CELF5: variants seen among roughly 807,000 people sequenced by gnomAD.
CELF5 encodes the protein CUGBP Elav-like family member 5.
Under a neutral mutation model 54.9 loss-of-function variants are expected in CELF5, and 6 were observed. That is an observed-to-expected ratio of 0.11 (90% CI 0.06 to 0.22). CELF5 has a LOEUF of 0.22. CELF5 is among the 10% of genes least tolerant of loss of function. CELF5 has a pLI of 1.00. For missense variants in CELF5, 401 were observed against 678.6 expected (o/e 0.59, Z 4.54); for synonymous variants, 271 against 290.9 (o/e 0.93, Z 0.70).
At chr19:3,290,950 C>T (rs1029852749) in intron 11 of CELF5, among the ~76,000 whole-genome samples, 3 of 151,492 alleles carry the variant, frequency 2.0e-5, no homozygotes, top group African/African-American at 4.8e-5. Flanking sequence ...AATGAGACCC[C>T]GTGTTTACAA....
intron 11 of CELF5, among the ~76,000 whole-genome samples, chr19:3,291,381 A>G (rs569302895): frequency 2.0e-5 from 3 of 151,950 alleles, no homozygotes; most frequent in East Asian, 3.9e-4. Flanking sequence ...TGGCTAACAC[A>G]GTGAAACCCC....
chr19:3,296,660 A>T (rs1025795198), intron 12 of CELF5, 98 bp from the exon 13 acceptor site: 1 of 152,142 alleles, frequency 6.6e-6, no homozygotes, highest in African/African-American at 2.4e-5. Flanking sequence ...GAGGCCCCCG[A>T]GGGCCTGCTT....
intron 1 of CELF5, chr19:3,225,467 G>GGC: frequency 1.6e-5 from 1 of 61,896 alleles, no homozygotes; most frequent in Non-Finnish European, 2.7e-5. Context: ...ACCCCTCCCT[G>GGC]CCCCCCCACC....
rs979872638 is a variant in CELF5 at position 3,282,750 on chromosome 19, C to T, written c.1039+252C>T. 1.3e-5 allele frequency among the ~76,000 whole-genome samples: 2 copies of T among 152,168 alleles called. No individual in the cohort carries two copies. The highest frequency in any genetic ancestry group is 2.1e-4 in the South Asian group (1 of 4,828). On this transcript the variant is annotated intron_variant, in intron 8 of 12. Transcript: ENST00000292672. This position sits in a 1 kb window ranked among gnomAD's most constrained non-coding sequence, Gnocchi z 5.2. ...TCAGTGACCCTGGATGGGCTCTTTA[C>T]GTCCCTGAGCCTCAGTTTGCTCATC...
Position 3,228,588 on chromosome 19 carries a change from G to A in CELF5, c.259+3590G>A, listed in dbSNP as rs1168488471. On this transcript the variant is annotated intron_variant, in intron 1 of 12. Coordinates refer to ENST00000292672, the MANE Select transcript of CELF5 (RefSeq NM_021938.4). This position sits in a 1 kb window ranked among gnomAD's most constrained non-coding sequence, Gnocchi z 6.0. ...TTAATGACAATATTTGTCTTAAAGC[G>A]GAGGTTGCGCTGGGGGACGGTGCAG... 2.6e-5 allele frequency among the ~76,000 whole-genome samples: 4 copies of A among 152,178 alleles called. No individual in the cohort carries two copies. The highest frequency in any genetic ancestry group is 2.1e-4 in the South Asian group (1 of 4,822).
intron 1 of CELF5, among the ~76,000 whole-genome samples, chr19:3,239,823 G>T (rs2079466463): frequency 6.6e-6 from 1 of 151,748 alleles, no homozygotes; most frequent in African/African-American, 2.4e-5. Context: ...CTTCTGTCCT[G>T]CACTCCAGTC....
intron 10 of CELF5, among the ~76,000 whole-genome samples, chr19:3,289,681 C>CAAAAAAAAAAAAAAAAAAAAAAAAA (rs35144942): frequency 6.4e-5 from 3 of 47,138 alleles, no homozygotes; most frequent in African/African-American, 2.0e-4. Context: ...GACTCCATCT[C>CAAAAAAAAAAAAAAAAAAAAAAAAA]AAAAAAAAAA....
At chr19:3,232,634 T>C (rs1917322611) in intron 1 of CELF5, among the ~76,000 whole-genome samples, 1 of 151,648 alleles carries the variant, frequency 6.6e-6, no homozygotes, top group Non-Finnish European at 1.5e-5. Flanking sequence ...TCTCCATAAA[T>C]GGTCAGGCAG....
At chr19:3,251,958 A>G (rs2079657139) in intron 2 of CELF5, among the ~76,000 whole-genome samples, 1 of 151,844 alleles carries the variant, frequency 6.6e-6, no homozygotes, top group East Asian at 1.9e-4. Flanking sequence ...TATAGGTGCG[A>G]GCCACCAGGC....
At chr19:3,272,249 G>A (rs772671302) in intron 2 of CELF5, among the ~76,000 whole-genome samples, 3 of 152,020 alleles carry the variant, frequency 2.0e-5, no homozygotes, top group Non-Finnish European at 2.9e-5. Flanking sequence ...CGTGCCTGTA[G>A]TCCCAGCTGC....
At chr19:3,247,251 C>T (rs1464964133) in intron 1 of CELF5, among the ~76,000 whole-genome samples, 1 of 152,056 alleles carries the variant, frequency 6.6e-6, no homozygotes, top group East Asian at 1.9e-4. Context: ...CTTGGCCTCC[C>T]GAGTAGCTGG....
intron 2 of CELF5, chr19:3,270,531 G>T (rs529479693): frequency 4.0e-5 from 6 of 148,530 alleles, no homozygotes; most frequent in Non-Finnish European, 7.5e-5. Context: ...GGCAGGGCCC[G>T]CCTGGGCGTC....
intron 5 of CELF5, among the ~76,000 whole-genome samples, chr19:3,279,946 G>A (rs1415265320): frequency 4.6e-5 from 7 of 152,180 alleles, no homozygotes; most frequent in Non-Finnish European, 1.0e-4. Context: ...CAGGTGATCT[G>A]CCCACCTTGG....
At chr19:3,285,712 A>C (rs60439948) in intron 9 of CELF5, among the ~76,000 whole-genome samples, 42,959 of 71,764 alleles carry the variant, frequency 0.6, 11,616 homozygotes, top group Middle Eastern at 0.72. Context: ...CCTGCCCTCC[A>C]CCATGGCCCC....
chr19:3,234,907 C>G (rs1327441673), intron 1 of CELF5, among the ~76,000 whole-genome samples: 2 of 152,002 alleles, frequency 1.3e-5, no homozygotes, highest in African/African-American at 4.8e-5. Flanking sequence ...CACAGTCTGT[C>G]CTCCCCGCAG....
chr19:3,265,970 C>A (rs969932030), intron 2 of CELF5, among the ~76,000 whole-genome samples: 4 of 151,950 alleles, frequency 2.6e-5, no homozygotes, highest in Non-Finnish European at 5.9e-5. Flanking sequence ...CCACGCCCAG[C>A]CAATTTTTGT....
chr19:3,265,127 A>T (rs1161233866), intron 2 of CELF5, among the ~76,000 whole-genome samples: 2 of 152,154 alleles, frequency 1.3e-5, no homozygotes, highest in Non-Finnish European at 2.9e-5. Context: ...GCTTGAGCCC[A>T]GGAGTTCCAG....
In CELF5 at chr19:3,282,571, A is replaced by G; in HGVS notation, c.1039+73A>G. On this transcript the variant is annotated intron_variant, in intron 8 of 12. Coordinates refer to ENST00000292672, the MANE Select transcript of CELF5 (RefSeq NM_021938.4). This position sits in a 1 kb window ranked among gnomAD's most constrained non-coding sequence, Gnocchi z 5.2. ...AGATGGTGTTTCTGGAACAAGTATGAGTCCCTACATCACAGTGCCCAGGGA... is the reference window on the plus strand; with the variant it reads ...AGATGGTGTTTCTGGAACAAGTATGGGTCCCTACATCACAGTGCCCAGGGA... 6.6e-7 allele frequency: 1 copy of G among 1,510,388 alleles called. No individual in the cohort carries two copies. The highest frequency in any genetic ancestry group is 2.2e-4 in the Middle Eastern group (1 of 4,494). The allele number at this position is 1,510,388 out of a possible 1,614,324, so 93.6% of individuals were successfully genotyped here. A position where few individuals can be genotyped will look rare whatever the true frequency, so the allele number is the denominator to read the frequency against.
intron 2 of CELF5, among the ~76,000 whole-genome samples, chr19:3,263,320 TG>T (rs1191504913): frequency 6.7e-6 from 1 of 148,846 alleles, no homozygotes; most frequent in Non-Finnish European, 1.5e-5. Context: ...CCCAGCACTT[TG>T]GGAGGCAGAG....
Sources: allele counts gnomAD v4.1 joint callset (sites outside exome capture counted in the v4.1 genomes callset), GRCh38; gene constraint gnomAD v4.1.1; non-coding constraint Gnocchi (gnomAD v3.1); transcripts MANE v1.5; gene names NCBI Gene and HGNC (gene_info 2026-07-23, HGNC 2026-07-21).